TSSC4: variants seen among roughly 807,000 people sequenced by gnomAD.
TSSC4 encodes the protein U5 small nuclear ribonucleoprotein TSSC4.
For synonymous variants in TSSC4, 259 were observed against 197.9 expected (o/e 1.31, Z -2.59); for missense variants, 500 against 443.9 (o/e 1.13, Z -1.14).
Position 2,403,679 on chromosome 11 carries a change from G to C in TSSC4, c.*56G>C, listed in dbSNP as rs1850250700. The stretch of plus-strand genomic sequence containing the variant: ...CCACTGCCATCCTGCTGCCTTCCCA[G>C]TGGGGCTGGTCAGGGGGCAGCCTGG... On this transcript the variant is annotated 3_prime_UTR_variant, in exon 3 of 3. Coordinates refer to ENST00000333256, the MANE Select transcript of TSSC4 (RefSeq NM_005706.4). 3 of 1,448,448 alleles carry C rather than the reference G, an allele frequency of 2.1e-6. No individual in the cohort carries two copies. The highest frequency in any genetic ancestry group is 2.7e-5 in the Admixed American group (1 of 36,706). 89.7% of individuals were successfully genotyped at this position (1,448,448 alleles called of 1,614,324 possible). A position where few individuals can be genotyped will look rare whatever the true frequency, so the allele number is the denominator to read the frequency against.
At position 2,403,526 on chromosome 11, in the gene TSSC4, C is replaced by T. The variant is rs753265403; in HGVS notation, c.893C>T (p.Pro298Leu). Residue 298 changes from proline (P) to leucine (L), a missense_variant, in exon 3 of 3, where the codon CCG (proline) becomes CTG (leucine). Physicochemically the swap from Pro to Leu is moderately conservative, Grantham distance 98. Transcript: ENST00000333256. Reference protein sequence around the residue: ...VHSGSVPGLPPVETVGFHGSR... With the variant: ...VHSGSVPGLPLVETVGFHGSR... ...AGTGGGTCTGTGCCAGGTCTCCCGC[C>T]GGTGGAAACTGTTGGCTTCCATGGC... 167 of 1,596,442 alleles carry T rather than the reference C, an allele frequency of 1.0e-4. No homozygotes were observed. The highest frequency in any genetic ancestry group is 1.3e-4 in the Non-Finnish European group (151 of 1,172,218).
chr11:2,402,457 G>A lies in TSSC4; in HGVS notation c.-24+7G>A. On this transcript the variant is annotated splice_region_variant and intron_variant, in intron 2 of 2. Transcript: ENST00000333256. The stretch of plus-strand genomic sequence containing the variant: ...CACCCAGCAGCCAAGAGAGGTGAGA[G>A]GAGGGCTTGGAGGGGGAGGCGGGAC... The A allele has an allele frequency of 1.5e-6, 1 of 665,960 alleles. No homozygotes were observed. Among genetic ancestry groups the A allele is most frequent in the Non-Finnish European group, 2.5e-6 (1 of 402,112 alleles). The allele number at this position is 665,960 out of a possible 1,614,324, so 41.3% of individuals were successfully genotyped here.
In TSSC4 at chr11:2,402,726, C is replaced by T; in HGVS notation, c.93C>T (p.Leu31=). 1.9e-6 allele frequency: 3 copies of T among 1,573,912 alleles called. No individual in the cohort carries two copies. Among genetic ancestry groups the T allele is most frequent in the Non-Finnish European group, 2.6e-6 (3 of 1,159,264 alleles). The change falls in exon 3 of 3, where the codon CTC becomes CTT. Residue 31 remains leucine, a synonymous_variant. Coordinates refer to ENST00000333256, the MANE Select transcript of TSSC4 (RefSeq NM_005706.4). ...YDTLPSDTVS[L]SDSDSDLSLP... is the part of the protein sequence containing the mutation. ...CGCTGCCTTCCGACACAGTCTCCCT[C>T]AGTGACTCGGACTCTGACCTCAGCT...
rs1229531138 is a variant in TSSC4, at chr11:2,403,595, GC to G, written c.966del (p.Glu323ArgfsTer92). ...SRDHFRNKSSSPEDPGAEV is the reference protein window; with the variant it reads ...SRDHFRNKSSXPEDPGAEV ...GACCACTTCCGGAACAAGAGCAGCA[GC>G]CCCGAGGACCCAGGTGCTGAGGTCT... On this transcript the variant is annotated frameshift_variant, in exon 3 of 3. Coordinates refer to ENST00000333256, the MANE Select transcript of TSSC4 (RefSeq NM_005706.4). LOFTEE classifies it high-confidence loss of function. 2 of 1,538,554 alleles carry G rather than the reference GC, an allele frequency of 1.3e-6. No homozygotes were observed. The highest frequency in any genetic ancestry group is 1.7e-6 in the Non-Finnish European group (2 of 1,144,392).
chr11:2,401,913 A>C (rs1398094014), intron 1 of TSSC4: 1 of 152,160 alleles, frequency 6.6e-6, no homozygotes, highest in East Asian at 1.9e-4. Flanking sequence ...TTGGCTGCAG[A>C]TTCCTTGGGA....
intron 2 of TSSC4, 34 bp downstream of exon 2, chr11:2,402,484 C>A: frequency 1.2e-6 from 1 of 866,546 alleles, no homozygotes; most frequent in Non-Finnish European, 1.7e-6. Context: ...AGGCGGGACT[C>A]CACCCTGTGT....
chr11:2,401,382 C>T (rs2133478458), intron 1 of TSSC4: 1 of 152,428 alleles, frequency 6.6e-6, no homozygotes, highest in Admixed American at 6.5e-5. Flanking sequence ...TCCCCCGCCC[C>T]GTTCCTGCCA....
Position 2,403,519 on chromosome 11 carries a change from C to A in TSSC4, c.886C>A (p.Leu296Ile), listed in dbSNP as rs1301294391. The A allele has an allele frequency of 1.1e-5, 17 of 1,595,212 alleles. No individual in the cohort carries two copies. The South Asian group carries it at 1.7e-4, about 16-fold the overall frequency. Residue 296 changes from leucine to isoleucine, a missense_variant, in exon 3 of 3, where the codon CTC (leucine) becomes ATC (isoleucine). Transcript: ENST00000333256. ...GSVHSGSVPG[L>I]PPVETVGFHG... ...TGTCCACAGTGGGTCTGTGCCAGGT[C>A]TCCCGCCGGTGGAAACTGTTGGCTT...
rs1400304397 is a variant in TSSC4 at position 2,403,132 on chromosome 11, C to T, written c.499C>T (p.Leu167=). The T allele has an allele frequency of 6.2e-7, 1 of 1,612,518 alleles. No homozygotes were observed. Residue 167 remains leucine, a synonymous_variant, in exon 3 of 3, where the codon CTG becomes TTG. Transcript: ENST00000333256. ...CCCCGAGCGCTGGACCAAGTACAGC[C>T]TGGAAGATGTGACCGAGGTCAGCGA... ...AHPERWTKYS[L]EDVTEVSEQS...
Position 2,403,232 on chromosome 11 carries a change from C to T in TSSC4, c.599C>T (p.Ser200Phe), listed in dbSNP as rs765778887. ...SLAAPTDCVSSFNQDPSSCGE... is the reference protein window; with the variant it reads ...SLAAPTDCVSFFNQDPSSCGE... ...GCTGCCCCCACTGACTGCGTGTCCTCCTTCAACCAGGATCCCTCCAGCTGT... is the reference window on the plus strand; with the variant it reads ...GCTGCCCCCACTGACTGCGTGTCCTTCTTCAACCAGGATCCCTCCAGCTGT... Residue 200 changes from serine (S) to phenylalanine (F), a missense_variant, in exon 3 of 3, where the codon TCC becomes TTC. Ser to Phe is a radical substitution (Grantham distance 155). Transcript: ENST00000333256. 5.0e-6 allele frequency: 8 copies of T among 1,612,898 alleles called. No individual in the cohort carries two copies. The highest frequency in any genetic ancestry group is 1.1e-5 in the South Asian group (1 of 91,022).
At position 2,400,777 on chromosome 11, in the gene TSSC4, A is replaced by G. The variant is rs998804165; in HGVS notation, c.-202A>G. On this transcript the variant is annotated 5_prime_UTR_variant, in exon 1 of 3. Transcript: ENST00000333256. Reference sequence around the variant, plus strand: ...AGGTGCGGCGCCGACCAAGATGGAGACTGCCGAGCAGCCTTGAGCCGGTAG... The same window carrying G: ...AGGTGCGGCGCCGACCAAGATGGAGGCTGCCGAGCAGCCTTGAGCCGGTAG... 2 of 151,726 alleles carry G rather than the reference A, an allele frequency of 1.3e-5. No homozygotes were observed. Among genetic ancestry groups the G allele is most frequent in the African/African-American group, 4.8e-5 (2 of 41,284 alleles). 9.4% of individuals were successfully genotyped at this position (151,726 alleles called of 1,614,324 possible). A position where few individuals can be genotyped will look rare whatever the true frequency, so the allele number is the denominator to read the frequency against.
In TSSC4 at chr11:2,402,891, C is replaced by T. The variant is rs1850194535; in HGVS notation, c.258C>T (p.Ser86=). 2 of 1,612,040 alleles carry T rather than the reference C, an allele frequency of 1.2e-6. No homozygotes were observed. The highest frequency in any genetic ancestry group is 1.7e-5 in the Admixed American group (1 of 59,946). ...AGCCATTCCATCTGAGAGGCATGAGCTCCACCTTCTCCCAGCGCAGCCGTG... is the reference window on the plus strand; with the variant it reads ...AGCCATTCCATCTGAGAGGCATGAGTTCCACCTTCTCCCAGCGCAGCCGTG... ...TVQPFHLRGM[S]STFSQRSRDI... is the part of the protein sequence containing the mutation. The change falls in exon 3 of 3, where the codon AGC becomes AGT. Residue 86 remains serine, a synonymous_variant. Coordinates refer to ENST00000333256, the MANE Select transcript of TSSC4 (RefSeq NM_005706.4).
In TSSC4 at chr11:2,403,344, G is replaced by A; in HGVS notation, c.711G>A (p.Glu237=). 3.7e-6 allele frequency: 6 copies of A among 1,612,256 alleles called. No individual in the cohort carries two copies. The highest frequency in any genetic ancestry group is 1.3e-5 in the African/African-American group (1 of 75,056). ...AGAGGGTCCTGGGGAAGGTGGGAGA[G>A]CCAGGCAGGGGCGGCCTTGGGAATC... ...ERKRVLGKVG[E]PGRGGLGNPA... The change falls in exon 3 of 3, where the codon GAG becomes GAA. Residue 237 remains glutamate, a synonymous_variant. Transcript: ENST00000333256.
In TSSC4 at chr11:2,403,646, C is replaced by T. The variant is rs1193561768; in HGVS notation, c.*23C>T. On this transcript the variant is annotated 3_prime_UTR_variant, in exon 3 of 3. Coordinates refer to ENST00000333256, the MANE Select transcript of TSSC4 (RefSeq NM_005706.4). ...TGAGAGGGAGATGGCCCAGCCTGAC[C>T]CCACTGGCCACTGCCATCCTGCTGC... The T allele has an allele frequency of 6.8e-6, 10 of 1,480,104 alleles. No individual in the cohort carries two copies. The African/African-American group carries it at 7.1e-5, about 11-fold the overall frequency. 91.7% of individuals were successfully genotyped at this position (1,480,104 alleles called of 1,614,324 possible).
rs1850196533 is a variant in TSSC4 at position 2,402,921 on chromosome 11, C to G, written c.288C>G (p.Ile96Met). Residue 96 changes from isoleucine to methionine, a missense_variant, in exon 3 of 3, where the codon ATC becomes ATG. By Grantham distance (10) the Ile-to-Met change is conservative. Coordinates refer to ENST00000333256, the MANE Select transcript of TSSC4 (RefSeq NM_005706.4). ...SSTFSQRSRD[I>M]FDCLEGAARR... ...CCTTCTCCCAGCGCAGCCGTGACAT[C>G]TTTGACTGCCTGGAGGGGGCGGCCA... is the stretch of plus-strand genomic sequence containing the variant. The G allele has an allele frequency of 6.2e-7, 1 of 1,612,188 alleles. No homozygotes were observed. The highest frequency in any genetic ancestry group is 8.5e-7 in the Non-Finnish European group (1 of 1,179,730).
rs150376502 is a variant in TSSC4, at chr11:2,402,942, G to A, written c.309G>A (p.Ala103=). The A allele has an allele frequency of 6.2e-5, 100 of 1,610,952 alleles. No homozygotes were observed. The African/African-American group carries it at 6.3e-4, about 10-fold the overall frequency. Residue 103 remains alanine, a synonymous_variant, in exon 3 of 3, where the codon GCG becomes GCA. Coordinates refer to ENST00000333256, the MANE Select transcript of TSSC4 (RefSeq NM_005706.4). ...SRDIFDCLEG[A]ARRAPSSVAH... ...ACATCTTTGACTGCCTGGAGGGGGCGGCCAGACGGGCTCCATCCTCTGTGG... is the reference window on the plus strand; with the variant it reads ...ACATCTTTGACTGCCTGGAGGGGGCAGCCAGACGGGCTCCATCCTCTGTGG...
chr11:2,403,634 G>A lies in TSSC4; in HGVS notation c.*11G>A. ...GGTGCTGAGGTCTGAGAGGGAGATG[G>A]CCCAGCCTGACCCCACTGGCCACTG... On this transcript the variant is annotated 3_prime_UTR_variant, in exon 3 of 3. Transcript: ENST00000333256. The A allele has an allele frequency of 6.7e-7, 1 of 1,501,762 alleles. No homozygotes were observed. Among genetic ancestry groups the A allele is most frequent in the Non-Finnish European group, 8.9e-7 (1 of 1,125,846 alleles). The allele number at this position is 1,501,762 out of a possible 1,614,324, so 93.0% of individuals were successfully genotyped here. A position where few individuals can be genotyped will look rare whatever the true frequency, so the allele number is the denominator to read the frequency against.
chr11:2,401,216 C>G (rs1164907444), intron 1 of TSSC4: 1 of 152,200 alleles, frequency 6.6e-6, no homozygotes, highest in Non-Finnish European at 1.5e-5. Context: ...TCTTGCAGCC[C>G]GATCCCCGCT....
chr11:2,402,532 G>A, intron 2 of TSSC4, 79 bp from the exon 3 acceptor site: 2 of 1,269,406 alleles, frequency 1.6e-6, no homozygotes, highest in African/African-American at 1.5e-5. Flanking sequence ...CTTGTCCAGG[G>A]GCAGTGGATC....
Sources: allele counts gnomAD v4.1 joint callset, GRCh38; gene constraint gnomAD v4.1.1; transcripts MANE v1.5; gene names NCBI Gene and HGNC (gene_info 2026-07-23, HGNC 2026-07-21).